Variants in TRIM22 observed in about 807,000 individuals in gnomAD.
TRIM22 encodes E3 ubiquitin-protein ligase TRIM22.
Under a neutral mutation model 53.6 loss-of-function variants are expected in TRIM22, and 45 were observed. The observed-to-expected ratio is 0.84, with a 90% CI of 0.66 to 1.08. The LOEUF (loss-of-function observed/expected upper bound fraction) is 1.08. Among genes scored for constraint, TRIM22 ranks in the 50% least tolerant of loss-of-function variants. The probability of loss-of-function intolerance (pLI) is 0.00; values close to 1 mark genes in which losing one functional copy is unlikely to be tolerated. For synonymous variants in TRIM22, 225 were observed against 216.6 expected (o/e 1.04, Z -0.34); for missense variants, 616 against 590.9 (o/e 1.04, Z -0.44).
intron 1 of TRIM22, among the ~76,000 whole-genome samples, chr11:5,690,313 A>G (rs1853152727): frequency 6.6e-6 from 1 of 152,206 alleles, no homozygotes; most frequent in Non-Finnish European, 1.5e-5. Flanking sequence ...CAAAGGAGGA[A>G]GAAAGTTTTT....
At chr11:5,699,099 A>C (rs1213696552) in intron 4 of TRIM22, among the ~76,000 whole-genome samples, 2 of 152,208 alleles carry the variant, frequency 1.3e-5, no homozygotes, top group Non-Finnish European at 2.9e-5. Flanking sequence ...TATTATGTTT[A>C]TGTATTCACC....
chr11:5,695,623 T>G (rs1019934265), intron 1 of TRIM22, among the ~76,000 whole-genome samples: 1 of 151,986 alleles, frequency 6.6e-6, no homozygotes, highest in Non-Finnish European at 1.5e-5. Flanking sequence ...AATAGTTATA[T>G]AGTTCCACAG....
chr11:5,695,542 C>T (rs1328250966), intron 1 of TRIM22, among the ~76,000 whole-genome samples: 1 of 147,054 alleles, frequency 6.8e-6, no homozygotes, highest in African/African-American at 2.5e-5. Context: ...AGCTTGGGAT[C>T]AGAATAGGAG....
chr11:5,701,058 C>T (rs368142851), intron 4 of TRIM22, among the ~76,000 whole-genome samples: 6 of 152,284 alleles, frequency 3.9e-5, no homozygotes, highest in African/African-American at 1.4e-4. Flanking sequence ...ATCCCACTTA[C>T]TTGTGGTGCA....
At chr11:5,702,108 A>G (rs1351818118) in intron 4 of TRIM22, among the ~76,000 whole-genome samples, 1 of 146,808 alleles carries the variant, frequency 6.8e-6, no homozygotes, top group Non-Finnish European at 1.5e-5. Context: ...TAATATACAT[A>G]ACTAATATAT....
intron 1 of TRIM22, among the ~76,000 whole-genome samples, chr11:5,695,236 G>A (rs1351459656): frequency 6.6e-6 from 1 of 152,194 alleles, no homozygotes; most frequent in African/African-American, 2.4e-5. Context: ...GTAAATTATA[G>A]TATGTCCTTC....
At chr11:5,696,023 TA>T in intron 1 of TRIM22, 143 bp from the exon 2 acceptor site, 1 of 432,722 alleles carries the variant, frequency 2.3e-6, no homozygotes, top group Non-Finnish European at 4.0e-6. Context: ...AAGTCCATTT[TA>T]TTCTGTCATT....
rs73402285 is a variant in TRIM22, at chr11:5,696,764, G to C, written c.423+109G>C. ...ATTCCCCTTGTCACCATAGAACGGAGAGCCCTGTGATCTCTTTCCATACTC... is the reference window on the plus strand; with the variant it reads ...ATTCCCCTTGTCACCATAGAACGGACAGCCCTGTGATCTCTTTCCATACTC... On this transcript the variant is annotated intron_variant, in intron 2 of 7. Coordinates refer to ENST00000379965, the MANE Select transcript of TRIM22 (RefSeq NM_006074.5). 1,165 of 1,176,988 alleles carry C rather than the reference G, an allele frequency of 9.9e-4. 12 individuals carry two copies. In the African/African-American group the frequency reaches 0.016, roughly 16 times the overall value. The allele number at this position is 1,176,988 out of a possible 1,614,324, so 72.9% of individuals were successfully genotyped here.
At position 5,708,653 on chromosome 11, in the gene TRIM22, C is replaced by T. The variant is rs375410226; in HGVS notation, c.901+50C>T. On this transcript the variant is annotated intron_variant, in intron 7 of 7. Coordinates refer to ENST00000379965, the MANE Select transcript of TRIM22 (RefSeq NM_006074.5). ...TCACTTCCTTTCAGAATTGTGGTTACTATTAGATCTCATAATCTGAGTCTC... is the reference window on the plus strand; with the variant it reads ...TCACTTCCTTTCAGAATTGTGGTTATTATTAGATCTCATAATCTGAGTCTC... 5.9e-6 allele frequency: 9 copies of T among 1,524,250 alleles called. No homozygotes were observed. In the African/African-American group the frequency reaches 1.1e-4, roughly 19 times the overall value. The allele number at this position is 1,524,250 out of a possible 1,614,324, so 94.4% of individuals were successfully genotyped here.
In TRIM22 at chr11:5,697,297, C is replaced by G. The variant is rs1853281688; in HGVS notation, c.473C>G (p.Ala158Gly). Residue 158 changes from alanine (A) to glycine (G), a missense_variant, in exon 3 of 8, where the codon GCT becomes GGT. Transcript: ENST00000379965. Reference protein sequence around the residue: ...LQRLIKEDQEAEKLEDDIRQE... With the variant: ...LQRLIKEDQEGEKLEDDIRQE... ...AGGCTGATAAAGGAGGATCAAGAGGCTGAGAAGCTGGAAGATGACATCAGA... is the reference window on the plus strand; with the variant it reads ...AGGCTGATAAAGGAGGATCAAGAGGGTGAGAAGCTGGAAGATGACATCAGA... 1.2e-6 allele frequency: 2 copies of G among 1,613,702 alleles called. No homozygotes were observed. The highest frequency in any genetic ancestry group is 2.2e-5 in the South Asian group (2 of 90,962).
At chr11:5,695,186 A>G (rs899464850) in intron 1 of TRIM22, among the ~76,000 whole-genome samples, 1 of 152,202 alleles carries the variant, frequency 6.6e-6, no homozygotes, top group African/African-American at 2.4e-5. Flanking sequence ...ATAAGAAGCT[A>G]AATGTGCAGT....
At chr11:5,706,816 C>A (rs1289041776) in intron 5 of TRIM22, among the ~76,000 whole-genome samples, 200 bp downstream of exon 5, 1 of 152,124 alleles carries the variant, frequency 6.6e-6, no homozygotes, top group East Asian at 1.9e-4. Flanking sequence ...GAGTTAGGGT[C>A]GACGGAGGCC....
At chr11:5,698,232 G>A (rs1853301467) in intron 3 of TRIM22, 83 bp from the exon 4 acceptor site, 1 of 1,140,832 alleles carries the variant, frequency 8.8e-7, no homozygotes, top group African/African-American at 1.5e-5. Flanking sequence ...GAGGAAAACT[G>A]TTCTTATCCT....
intron 4 of TRIM22, among the ~76,000 whole-genome samples, chr11:5,700,870 C>A (rs2133261): frequency 0.59 from 88,804 of 151,614 alleles, 26,179 homozygotes; most frequent in Admixed American, 0.63. Context: ...ATGCACCCGG[C>A]CGAGAAACTT....
chr11:5,700,439 T>C (rs118189362), intron 4 of TRIM22, among the ~76,000 whole-genome samples: 2,672 of 152,182 alleles, frequency 0.018, 34 homozygotes, highest in Middle Eastern at 0.034. Flanking sequence ...TTTTTATTTG[T>C]CTTTGCTTGT....
chr11:5,709,625 A>T lies in TRIM22; in HGVS notation c.1474A>T (p.Thr492Ser). 1 of 1,606,366 alleles carries T rather than the reference A, an allele frequency of 6.2e-7. No individual in the cohort carries two copies. Among genetic ancestry groups the T allele is most frequent in the Non-Finnish European group, 8.5e-7 (1 of 1,178,938 alleles). ...TCCTTGGAACTGCCTAGTCCCCATG[A>T]CTGTGTGCCCACCGAGCTCCTGAGT... ...FNPWNCLVPM[T>S]VCPPSS The change falls in exon 8 of 8, where the codon ACT becomes TCT. Residue 492 changes from threonine to serine, a missense_variant. Physicochemically the swap from Thr to Ser is moderately conservative, Grantham distance 58. Coordinates refer to ENST00000379965, the MANE Select transcript of TRIM22 (RefSeq NM_006074.5).
At chr11:5,697,178 T>C in intron 2 of TRIM22, 70 bp from the exon 3 acceptor site, 1 of 1,210,256 alleles carries the variant, frequency 8.3e-7, no homozygotes, top group Non-Finnish European at 1.2e-6. Flanking sequence ...TCCAATTTCT[T>C]CCTTGCTGTC....
intron 4 of TRIM22, among the ~76,000 whole-genome samples, chr11:5,699,739 T>TA: frequency 6.6e-6 from 1 of 150,776 alleles, no homozygotes. Context: ...TTTTTTTTTT[T>TA]TTAGTTACAG....
chr11:5,696,849 T>C, intron 2 of TRIM22, 194 bp downstream of exon 2: 1 of 608,574 alleles, frequency 1.6e-6, no homozygotes, highest in East Asian at 2.9e-5. Flanking sequence ...TAAAAAAGAG[T>C]ACAAATTTTT....
Sources: allele counts gnomAD v4.1 joint callset (sites outside exome capture counted in the v4.1 genomes callset), GRCh38; gene constraint gnomAD v4.1.1; transcripts MANE v1.5; gene names NCBI Gene and HGNC (gene_info 2026-07-23, HGNC 2026-07-21).